RPGRIP1: variants seen among roughly 807,000 people sequenced by gnomAD.
The protein encoded by RPGRIP1 is X-linked retinitis pigmentosa GTPase regulator-interacting protein 1.
RPGRIP1 carries 128 observed loss-of-function variants against 157.9 expected under a neutral mutation model. The ratio of observed to expected loss-of-function variants is 0.81; its 90% CI spans 0.70 to 0.94. The LOEUF is 0.94. RPGRIP1 is among the 40% of genes least tolerant of loss of function. The pLI, the probability that RPGRIP1 is intolerant of heterozygous loss-of-function variation, is 0.00. For synonymous variants in RPGRIP1, 554 were observed against 571.6 expected (o/e 0.97, Z 0.44); for missense variants, 1,486 against 1,545.8 (o/e 0.96, Z 0.65).
chr14:21,314,613 C>G (rs1183054834), intron 10 of RPGRIP1, among the ~76,000 whole-genome samples: 3 of 150,526 alleles, frequency 2.0e-5, no homozygotes, highest in Admixed American at 6.6e-5. Context: ...ATTAGCCAGC[C>G]AGGCGCGGAG....
intron 24 of RPGRIP1, among the ~76,000 whole-genome samples, chr14:21,348,851 G>A (rs1008861106): frequency 3.3e-5 from 5 of 151,642 alleles, no homozygotes; most frequent in Non-Finnish European, 7.4e-5. Flanking sequence ...AGTAGAGACC[G>A]TGTTTTACCA....
chr14:21,324,233 C>T, intron 14 of RPGRIP1: 1 of 317,730 alleles, frequency 3.1e-6, no homozygotes. Flanking sequence ...GGCCAATATA[C>T]CAAACTTGTA....
chr14:21,313,638 A>G (rs1293569255), intron 10 of RPGRIP1, among the ~76,000 whole-genome samples: 1 of 151,990 alleles, frequency 6.6e-6, no homozygotes, highest in Non-Finnish European at 1.5e-5. Context: ...AAATACAAAA[A>G]TTAGCCAGGC....
chr14:21,318,469 T>TGTTTG (rs926500903), intron 11 of RPGRIP1, among the ~76,000 whole-genome samples: 1 of 152,056 alleles, frequency 6.6e-6, no homozygotes, highest in African/African-American at 2.4e-5. Flanking sequence ...AGTTTTCTTT[T>TGTTTG]GTTTGGTTTG....
rs370997086 is a variant in RPGRIP1, at chr14:21,318,094, TTTTGTTTG to T, written c.1306+264_1306+271del. 5.3e-4 allele frequency: 349 copies of T among 653,636 alleles called. 9 individuals carry two copies. Among genetic ancestry groups the T allele is most frequent in the South Asian group, 4.7e-3 (312 of 66,202 alleles). 40.5% of individuals were successfully genotyped at this position (653,636 alleles called of 1,614,324 possible). A position where few individuals can be genotyped will look rare whatever the true frequency, so the allele number is the denominator to read the frequency against. ...TCTTTCCATTTGAGAAGATGCTAGT[TTTTGTTTG>T]TTTGTTTGTTTGTTTGTTTTTGAGG... On this transcript the variant is annotated intron_variant, in intron 11 of 24. Transcript: ENST00000400017.
chr14:21,338,803 A>T (rs937834436), intron 21 of RPGRIP1, among the ~76,000 whole-genome samples: 2 of 152,244 alleles, frequency 1.3e-5, no homozygotes, highest in Non-Finnish European at 2.9e-5. Flanking sequence ...TGTAGTCTGC[A>T]TGAATATGGA....
At chr14:21,291,944 G>C (rs920398162) in intron 2 of RPGRIP1, among the ~76,000 whole-genome samples, 2 of 152,136 alleles carry the variant, frequency 1.3e-5, no homozygotes, top group Non-Finnish European at 2.9e-5. Context: ...ATTTTTAGTA[G>C]AGACGGGGTT....
At chr14:21,298,365 T>C (rs1256971832) in intron 3 of RPGRIP1, among the ~76,000 whole-genome samples, 1 of 151,934 alleles carries the variant, frequency 6.6e-6, no homozygotes, top group Non-Finnish European at 1.5e-5. Flanking sequence ...CCGGGCGTGG[T>C]GGCAGGCGCC....
chr14:21,350,671 G>A (rs1886161906), intron 24 of RPGRIP1, among the ~76,000 whole-genome samples: 2 of 152,136 alleles, frequency 1.3e-5, no homozygotes, highest in Non-Finnish European at 1.5e-5. Context: ...TGAAGATTAA[G>A]GAAGCACTTA....
At position 21,320,082 on chromosome 14, in the gene RPGRIP1, C is replaced by A. The variant is rs201228217; in HGVS notation, c.1372C>A (p.Leu458Ile). The A allele has an allele frequency of 6.8e-6, 11 of 1,613,594 alleles. No individual in the cohort carries two copies. The East Asian group carries it at 2.5e-4, about 36-fold the overall frequency. ...TCAGAAGCATAAACAGGAAGTAGAG[C>A]TCCTCCAAAATGCAGCCACAATTTC... ...ILQKHKQEVELLQNAATISQP... is the reference protein window; with the variant it reads ...ILQKHKQEVEILQNAATISQP... The change falls in exon 12 of 25, where the codon CTC (leucine) becomes ATC (isoleucine). Residue 458 changes from leucine (L) to isoleucine (I), a missense_variant. Coordinates refer to ENST00000400017, the MANE Select transcript of RPGRIP1 (RefSeq NM_020366.4).
At chr14:21,319,938 TAA>T (rs1670549877) in intron 11 of RPGRIP1, 77 bp from the exon 12 acceptor site, 8 of 1,329,364 alleles carry the variant, frequency 6.0e-6, no homozygotes, top group Admixed American at 2.3e-5. Context: ...GTGGGAAGAT[TAA>T]ATTCACACTT....
intron 10 of RPGRIP1, among the ~76,000 whole-genome samples, chr14:21,316,602 G>T (rs1438979163): frequency 2.0e-5 from 3 of 151,948 alleles, no homozygotes; most frequent in Admixed American, 1.3e-4. Flanking sequence ...ATTTTCAGTA[G>T]AGACAGGGTT....
At chr14:21,333,630 G>A (rs1196899728) in intron 20 of RPGRIP1, among the ~76,000 whole-genome samples, 1 of 152,172 alleles carries the variant, frequency 6.6e-6, no homozygotes, top group Non-Finnish European at 1.5e-5. Context: ...TTGCAAGATA[G>A]CTCACCCTAC....
chr14:21,281,016 GCTTTT>G lies in RPGRIP1; in HGVS notation c.-39+863_-39+867del, dbSNP rs199528950. Among the ~76,000 whole-genome samples, 1,022 of 151,236 alleles carry G rather than the reference GCTTTT, an allele frequency of 6.8e-3. 13 individuals carry two copies. Among genetic ancestry groups the G allele is most frequent in the African/African-American group, 0.024 (977 of 41,274 alleles). On this transcript the variant is annotated intron_variant, in intron 1 of 24. Coordinates refer to ENST00000400017, the MANE Select transcript of RPGRIP1 (RefSeq NM_020366.4). Reference sequence around the variant, plus strand: ...AGAGAGTGGAAAATGGCTACCTTGGGCTTTTCTTTTTTTTTTTTTTGAGACAGAAT... The same window carrying G: ...AGAGAGTGGAAAATGGCTACCTTGGGCTTTTTTTTTTTTTTGAGACAGAAT...
In RPGRIP1 at chr14:21,324,906, T is replaced by A; in HGVS notation, c.2051T>A (p.Met684Lys). 1 of 1,614,040 alleles carries A rather than the reference T, an allele frequency of 6.2e-7. No homozygotes were observed. ...TATGACTTCACCTCCCAGTATGTGA[T>A]GGAGACAGATTCGCTTTTCTTACAC... ...PLYDFTSQYV[M>K]ETDSLFLHYL... is the part of the protein sequence containing the mutation. Residue 684 changes from methionine to lysine, a missense_variant, in exon 15 of 25, where the codon ATG (methionine) becomes AAG (lysine). Met to Lys is a moderately conservative substitution (Grantham distance 95, BLOSUM62 -1). Coordinates refer to ENST00000400017, the MANE Select transcript of RPGRIP1 (RefSeq NM_020366.4).
At chr14:21,288,457 A>G (rs1880384415) in intron 2 of RPGRIP1, among the ~76,000 whole-genome samples, 1 of 151,222 alleles carries the variant, frequency 6.6e-6, no homozygotes. Context: ...CTGGTATTAC[A>G]GGTGTGAGCC....
chr14:21,317,537 G>A, intron 10 of RPGRIP1, 159 bp from the exon 11 acceptor site: 1 of 1,510,314 alleles, frequency 6.6e-7, no homozygotes, highest in Non-Finnish European at 8.8e-7. Context: ...AAGTTCCAAG[G>A]CAGTTGGTAA....
At chr14:21,343,866 G>GTTTTTTTTTTTT (rs67535379) in intron 22 of RPGRIP1, among the ~76,000 whole-genome samples, 9 of 50,438 alleles carry the variant, frequency 1.8e-4, no homozygotes, top group Non-Finnish European at 2.5e-4. Context: ...CTCTTTTCCT[G>GTTTTTTTTTTTT]TTTTTTTTTT....
At chr14:21,303,007 C>A in intron 5 of RPGRIP1, 1 of 267,338 alleles carries the variant, frequency 3.7e-6, no homozygotes, top group South Asian at 4.4e-5. Flanking sequence ...GTAGCTGGGA[C>A]TACAGGCATG....
Sources: gnomAD v4.1 joint callset for allele counts (sites outside exome capture counted in the v4.1 genomes callset) on GRCh38, gnomAD v4.1.1 for gene constraint, MANE v1.5 for transcripts, NCBI Gene and HGNC (gene_info 2026-07-23, HGNC 2026-07-21) for gene names.